Variants in HELZ observed in about 807,000 individuals in gnomAD.
HELZ encodes the protein helicase with zinc finger, also known as ATP-dependent RNA helicase with zinc finger domain.
HELZ carries 23 observed loss-of-function variants against 218.2 expected under a neutral mutation model. The observed-to-expected ratio is 0.11, with a 90% confidence interval of 0.08 to 0.15. HELZ has a LOEUF of 0.15. Ranked by LOEUF, HELZ falls within the 10% of genes least tolerant of loss-of-function variation. HELZ has a pLI of 1.00. For synonymous variants in HELZ, 814 were observed against 829.4 expected, an observed-to-expected ratio of 0.98 and a Z score of 0.32; for missense variants, 1,813 against 2,353.7, an observed-to-expected ratio of 0.77 and a Z score of 4.75.
Position 67,212,314 on chromosome 17 carries a change from C to CAAAAAAAAA in HELZ, c.247+3576_247+3584dup, listed in dbSNP as rs10692832. ...TGGGCGACAGGGAGAGACACCATCT[C>CAAAAAAAAA]AAAAAAAAAAAAAAAAAAAAAGGCT... On this transcript the variant is annotated intron_variant, in intron 5 of 32. Transcript: ENST00000358691. 8.9e-4 allele frequency among the ~76,000 whole-genome samples: 19 copies of CAAAAAAAAA among 21,402 alleles called. 2 individuals are homozygous for CAAAAAAAAA. The highest frequency in any genetic ancestry group is 2.6e-3 in the African/African-American group (16 of 6,260). The allele number at this position is 21,402 out of a possible 152,430, so 14.0% of individuals were successfully genotyped here. A position where few individuals can be genotyped will look rare whatever the true frequency, so the allele number is the denominator to read the frequency against.
Position 67,075,046 on chromosome 17 carries a change from T to A in HELZ, c.*3206A>T, listed in dbSNP as rs764737555. 3 of 152,122 alleles carry A rather than the reference T, an allele frequency of 2.0e-5. No individual in the cohort carries two copies. Among genetic ancestry groups the A allele is most frequent in the Non-Finnish European group, 2.9e-5 (2 of 67,986 alleles). 9.4% of individuals were successfully genotyped at this position (152,122 alleles called of 1,614,324 possible). ...CAATTTGGCAAAGCATATGCCCAAA[T>A]GACAACCAAAACCCCCTTTAAAGAC... On this transcript the variant is annotated 3_prime_UTR_variant, in exon 33 of 33. Transcript: ENST00000358691.
rs145809917 is a variant in HELZ at position 67,123,995 on chromosome 17, G to A, written c.3407C>T (p.Thr1136Ile). 2 of 1,604,220 alleles carry A rather than the reference G, an allele frequency of 1.2e-6. No homozygotes were observed. Among genetic ancestry groups the A allele is most frequent in the Non-Finnish European group, 1.7e-6 (2 of 1,172,502 alleles). ...ATCATTCTGGAAGTGATCATTCTGGGTATGATGAAGACTTTTCCCCTTTAA... is the reference window on the plus strand; with the variant it reads ...ATCATTCTGGAAGTGATCATTCTGGATATGATGAAGACTTTTCCCCTTTAA... ...SPPKGKSLHH[T>I]QNDHFQNDGI... The change falls in exon 25 of 33, where the codon ACC (threonine) becomes ATC (isoleucine). Residue 1136 changes from threonine to isoleucine, a missense_variant. By Grantham distance (89) the Thr-to-Ile change is moderately conservative. Coordinates refer to ENST00000358691, the MANE Select transcript of HELZ (RefSeq NM_014877.4).
At chr17:67,141,274 A>G (rs568059596) in intron 21 of HELZ, among the ~76,000 whole-genome samples, 7 of 152,220 alleles carry the variant, frequency 4.6e-5, no homozygotes, top group Non-Finnish European at 1.0e-4. Context: ...GCTATAATAT[A>G]TAACAACGTA....
chr17:67,198,225 T>C (rs2040081387), intron 7 of HELZ, among the ~76,000 whole-genome samples: 2 of 152,214 alleles, frequency 1.3e-5, no homozygotes, highest in Non-Finnish European at 2.9e-5. Context: ...GTTTTGGTCA[T>C]AAAATAAAGC....
chr17:67,082,321 C>T (rs2036219805), intron 32 of HELZ, among the ~76,000 whole-genome samples: 1 of 152,112 alleles, frequency 6.6e-6, no homozygotes, highest in Non-Finnish European at 1.5e-5. Flanking sequence ...CACAAGAAAC[C>T]CCACTAATAT....
chr17:67,120,071 T>G, intron 27 of HELZ: 1 of 363,346 alleles, frequency 2.8e-6, no homozygotes. Flanking sequence ...TGGCGTGATC[T>G]CAGCTCACTG....
intron 24 of HELZ, among the ~76,000 whole-genome samples, chr17:67,127,823 G>A (rs1161500074): frequency 6.7e-6 from 1 of 149,782 alleles, no homozygotes; most frequent in Non-Finnish European, 1.5e-5. Context: ...TCCAGCCTGG[G>A]TGACAGAGAT....
At chr17:67,224,363 T>G (rs2040835177) in intron 3 of HELZ, 2 of 189,538 alleles carry the variant, frequency 1.1e-5, no homozygotes, top group East Asian at 2.9e-4. Flanking sequence ...AGAAACTAAG[T>G]CCTGATGACA....
chr17:67,096,383 C>T (rs1035235534), intron 31 of HELZ, among the ~76,000 whole-genome samples: 2 of 152,164 alleles, frequency 1.3e-5, no homozygotes, highest in African/African-American at 4.8e-5. Flanking sequence ...GCCTGTTCCT[C>T]GAAGCTTTGA....
intron 28 of HELZ, among the ~76,000 whole-genome samples, chr17:67,113,555 G>A (rs2143781691): frequency 6.6e-6 from 1 of 152,262 alleles, no homozygotes; most frequent in South Asian, 2.1e-4. Flanking sequence ...CAACCGCCAA[G>A]TAGAGATTAA....
chr17:67,241,310 T>C (rs2041308423), intron 2 of HELZ, among the ~76,000 whole-genome samples: 1 of 152,258 alleles, frequency 6.6e-6, no homozygotes, highest in South Asian at 2.1e-4. Context: ...CGAAATCTTC[T>C]ATACATTTGA....
At chr17:67,120,724 C>A in intron 26 of HELZ, 112 bp from the exon 27 acceptor site, 1 of 673,498 alleles carries the variant, frequency 1.5e-6, no homozygotes, top group Non-Finnish European at 2.6e-6. Context: ...AACACACACA[C>A]ACACAGATGT....
Position 67,223,527 on chromosome 17 carries a change from G to A in HELZ, c.-18-4705C>T, listed in dbSNP as rs191217617. Among the ~76,000 whole-genome samples the A allele has an allele frequency of 2.6e-5, 4 of 152,282 alleles. No homozygotes were observed. The East Asian group carries it at 7.7e-4, about 30-fold the overall frequency. On this transcript the variant is annotated intron_variant, in intron 3 of 32. Transcript: ENST00000358691. ...GCACTTTGGGAGGCTGAGGCGGACA[G>A]ATCACCTGAGCTCAGGAGTTTGAGA...
At position 67,142,933 on chromosome 17, in the gene HELZ, A is replaced by T. The variant is rs561842605; in HGVS notation, c.2769+2810T>A. ...CACCATGCCCAGCTAATTTTTTTGTATTTTTTTTGTAGAGACGGGGTTTCA... is the reference window on the plus strand; with the variant it reads ...CACCATGCCCAGCTAATTTTTTTGTTTTTTTTTTGTAGAGACGGGGTTTCA... On this transcript the variant is annotated intron_variant, in intron 21 of 32. Coordinates refer to ENST00000358691, the MANE Select transcript of HELZ (RefSeq NM_014877.4). 4.7e-4 allele frequency among the ~76,000 whole-genome samples: 71 copies of T among 151,024 alleles called. 1 individual carries two copies. Among genetic ancestry groups the T allele is most frequent in the African/African-American group, 1.7e-3 (70 of 41,164 alleles).
Position 67,245,141 on chromosome 17 carries a change from G to C in HELZ, c.-132+7C>G. On this transcript the variant is annotated splice_region_variant and intron_variant, in intron 1 of 32. Coordinates refer to ENST00000358691, the MANE Select transcript of HELZ (RefSeq NM_014877.4). Reference sequence around the variant, plus strand: ...CAGGAGCAGAGAAGGGGGAAGTCAGGACTTACCTGTCATTACTTTCTACGC... The same window carrying C: ...CAGGAGCAGAGAAGGGGGAAGTCAGCACTTACCTGTCATTACTTTCTACGC... The C allele has an allele frequency of 1.0e-6, 1 of 985,178 alleles. No individual in the cohort carries two copies. Among genetic ancestry groups the C allele is most frequent in the Non-Finnish European group, 1.2e-6 (1 of 829,930 alleles). 61.0% of individuals were successfully genotyped at this position (985,178 alleles called of 1,614,324 possible).
chr17:67,160,867 G>A (rs558597417), intron 16 of HELZ, 30 bp downstream of exon 16: 1 of 1,514,336 alleles, frequency 6.6e-7, no homozygotes, highest in Non-Finnish European at 8.9e-7. Context: ...TCCTACCAGG[G>A]AAATATGAGC....
intron 23 of HELZ, 30 bp downstream of exon 23, chr17:67,135,940 T>A: frequency 6.7e-7 from 1 of 1,502,932 alleles, no homozygotes; most frequent in South Asian, 1.2e-5. Context: ...ACATTTCCCC[T>A]TTAATGTCTC....
At chr17:67,218,462 A>G in intron 4 of HELZ, 133 bp downstream of exon 4, 3 of 730,892 alleles carry the variant, frequency 4.1e-6, no homozygotes, top group Middle Eastern at 2.9e-4. Flanking sequence ...CTTGCCATCA[A>G]ATATATTCAG....
chr17:67,114,395 C>T lies in HELZ; in HGVS notation c.3847G>A (p.Asp1283Asn). ...QHEQNRNGKS[D>N]TNNSGPEINK... ...ATTTCAGGTCCGGAATTATTTGTAT[C>T]ACTTTTACCTAAGAAAATATTTAAA... The change falls in exon 28 of 33, where the codon GAT (aspartate) becomes AAT (asparagine). Residue 1283 changes from aspartate to asparagine, a missense_variant. By Grantham distance (23) the Asp-to-Asn change is conservative. Coordinates refer to ENST00000358691, the MANE Select transcript of HELZ (RefSeq NM_014877.4). 6.3e-7 allele frequency: 1 copy of T among 1,596,338 alleles called. No homozygotes were observed. Among genetic ancestry groups the T allele is most frequent in the Non-Finnish European group, 8.6e-7 (1 of 1,164,174 alleles).
Sources: gnomAD v4.1 joint callset for allele counts (sites outside exome capture counted in the v4.1 genomes callset) on GRCh38, gnomAD v4.1.1 for gene constraint, MANE v1.5 for transcripts, NCBI Gene and HGNC (gene_info 2026-07-23, HGNC 2026-07-21) for gene names.